Variants in DOP1B observed in about 807,000 individuals in gnomAD.
DOP1B encodes protein DOP1B.
A neutral mutation model predicts 233.5 loss-of-function variants in DOP1B; 174 were observed. The observed-to-expected ratio is 0.75, with a 90% CI of 0.66 to 0.85. The LOEUF is 0.85. Among genes scored for constraint, DOP1B ranks in the 40% least tolerant of loss-of-function variants. DOP1B has a pLI of 0.00. For synonymous variants in DOP1B, 1,190 were observed against 1,185.6 expected (o/e 1.00, Z -0.08); for missense variants, 2,652 against 2,846.6 (o/e 0.93, Z 1.56).
chr21:36,285,210 C>T (rs1005759586), intron 32 of DOP1B, among the ~76,000 whole-genome samples: 1 of 152,062 alleles, frequency 6.6e-6, no homozygotes, highest in African/African-American at 2.4e-5. Context: ...CAGGCACCCA[C>T]CACCATGCCT....
intron 18 of DOP1B, among the ~76,000 whole-genome samples, chr21:36,243,948 T>TCCCAATA: frequency 6.7e-6 from 1 of 149,902 alleles, no homozygotes; most frequent in Admixed American, 6.7e-5. Context: ...CAAACAATCC[T>TCCCAATA]CCTACCTTGG....
intron 32 of DOP1B, among the ~76,000 whole-genome samples, chr21:36,282,704 G>A (rs1345725875): frequency 1.3e-5 from 2 of 151,236 alleles, no homozygotes; most frequent in East Asian, 2.0e-4. Context: ...GACTGGGCAC[G>A]GTGGCTCACG....
intron 24 of DOP1B, among the ~76,000 whole-genome samples, chr21:36,262,417 C>T (rs766621239): frequency 2.1e-4 from 32 of 152,208 alleles, no homozygotes; most frequent in Admixed American, 2.0e-4. Flanking sequence ...CTTTCACTGC[C>T]TGGACTGTGC....
intron 2 of DOP1B, chr21:36,169,463 A>C: frequency 1.8e-6 from 2 of 1,090,092 alleles, no homozygotes; most frequent in East Asian, 2.4e-5. Flanking sequence ...CTTGTGGGGC[A>C]GCTTCTTGGT....
At position 36,230,962 on chromosome 21, in the gene DOP1B, C is replaced by A. The variant is rs61750836; in HGVS notation, c.2178C>A (p.Asn726Lys). 1 of 1,613,984 alleles carries A rather than the reference C, an allele frequency of 6.2e-7. No homozygotes were observed. The highest frequency in any genetic ancestry group is 8.5e-7 in the Non-Finnish European group (1 of 1,180,018). ...SSSPSSPARK[N>K]GGEWDVEKVV... ...CGCCCAGCAGCCCTGCCAGGAAAAA[C>A]GGGGGAGAATGGGATGTTGAGAAGG... Residue 726 changes from asparagine to lysine, a missense_variant, in exon 14 of 37, where the codon AAC (asparagine) becomes AAA (lysine). Around this residue, in one of 3 missense-constraint regions of DOP1B, gnomAD observed 2,617 missense variants for 2,794.3 expected, o/e 0.94. Transcript: ENST00000691173.
At chr21:36,268,801 C>G (rs1030440954) in intron 26 of DOP1B, among the ~76,000 whole-genome samples, 2 of 152,180 alleles carry the variant, frequency 1.3e-5, no homozygotes, top group Non-Finnish European at 2.9e-5. Context: ...TCCCAGGTAG[C>G]TGGGATTACA....
chr21:36,263,771 G>T lies in DOP1B; in HGVS notation c.5444G>T (p.Arg1815Ile). ...AGCATGCTGAATGACTTTGTAACAA[G>T]AACTCCCAACCTGGAAAACAAGAAG... is the stretch of plus-strand genomic sequence containing the variant. ...LLSMLNDFVT[R>I]TPNLENKKDQ... The change falls in exon 26 of 37, where the codon AGA (arginine) becomes ATA (isoleucine). Residue 1815 changes from arginine (R) to isoleucine (I), a missense_variant. Arg to Ile is a moderately conservative substitution (Grantham distance 97). Transcript: ENST00000691173. 1 of 1,614,038 alleles carries T rather than the reference G, an allele frequency of 6.2e-7. No individual in the cohort carries two copies. Among genetic ancestry groups the T allele is most frequent in the East Asian group, 2.2e-5 (1 of 44,892 alleles).
intron 22 of DOP1B, among the ~76,000 whole-genome samples, chr21:36,252,665 C>T (rs1322833403): frequency 6.6e-6 from 1 of 152,008 alleles, no homozygotes; most frequent in Non-Finnish European, 1.5e-5. Flanking sequence ...AGGTGCATGC[C>T]ACCACACTCA....
chr21:36,200,346 T>C lies in DOP1B; in HGVS notation c.336T>C (p.Pro112=). 2 of 1,599,318 alleles carry C rather than the reference T, an allele frequency of 1.3e-6. No homozygotes were observed. Among genetic ancestry groups the C allele is most frequent in the East Asian group, 2.3e-5 (1 of 44,254 alleles). The part of the protein sequence containing the change: ...DLFLYSCGLF[P]LLAHAAVSVR... ...TTTCTCGAAGCTGCGGGTTATTTCCTCTCCTGGCACACGCGGCGGTGTCGG... is the reference window on the plus strand; with the variant it reads ...TTTCTCGAAGCTGCGGGTTATTTCCCCTCCTGGCACACGCGGCGGTGTCGG... Residue 112 remains proline (P), a synonymous_variant, in exon 4 of 37, where the codon CCT becomes CCC. Transcript: ENST00000691173.
chr21:36,278,754 A>G (rs928058607), intron 30 of DOP1B, among the ~76,000 whole-genome samples: 4 of 152,112 alleles, frequency 2.6e-5, no homozygotes, highest in African/African-American at 9.7e-5. Context: ...CTGTAGTTCC[A>G]GCTACTCGGG....
At chr21:36,249,153 G>A (rs533689148) in intron 21 of DOP1B, among the ~76,000 whole-genome samples, 168 of 150,994 alleles carry the variant, frequency 1.1e-3, no homozygotes, top group Non-Finnish European at 1.7e-3. Context: ...AGAGCTAGGC[G>A]CGGTGGCTCA....
chr21:36,255,656 T>C (rs930267241), intron 23 of DOP1B, among the ~76,000 whole-genome samples: 1 of 150,592 alleles, frequency 6.6e-6, no homozygotes, highest in Non-Finnish European at 1.5e-5. Flanking sequence ...GGTCTGGAAC[T>C]CCTAGGCTCA....
At chr21:36,201,345 C>CTTTTTT (rs1172730528) in intron 4 of DOP1B, among the ~76,000 whole-genome samples, 19,214 of 82,550 alleles carry the variant, frequency 0.23, 3,732 homozygotes, top group Non-Finnish European at 0.28. Flanking sequence ...CTATTGGATT[C>CTTTTTT]TTTTTTTTTT....
intron 18 of DOP1B, 56 bp from the exon 19 acceptor site, chr21:36,244,992 A>G (rs2066938091): frequency 6.6e-7 from 1 of 1,510,872 alleles, no homozygotes; most frequent in Non-Finnish European, 8.9e-7. Context: ...CCCTACAGCT[A>G]ATGTATCATA....
chr21:36,214,635 C>A, intron 9 of DOP1B, 79 bp downstream of exon 9: 1 of 1,198,414 alleles, frequency 8.3e-7, no homozygotes, highest in Non-Finnish European at 1.2e-6. Flanking sequence ...TGGTGAGATA[C>A]AACCAAAGCG....
Position 36,174,317 on chromosome 21 carries a change from G to A in DOP1B, c.138+9446G>A, listed in dbSNP as rs367874394. Among the ~76,000 whole-genome samples the A allele has an allele frequency of 6.6e-5, 10 of 152,188 alleles. No individual in the cohort carries two copies. In the East Asian group the frequency reaches 1.4e-3, roughly 21 times the overall value. ...AGCCTTGCTGACATGGCGAAACCCC[G>A]TCTCTACTAAAAATGCAAAAATTAG... is the stretch of plus-strand genomic sequence containing the variant. On this transcript the variant is annotated intron_variant, in intron 2 of 36. Transcript: ENST00000691173.
chr21:36,263,907 T>C (rs549388500), intron 26 of DOP1B, 93 bp downstream of exon 26: 6 of 1,227,146 alleles, frequency 4.9e-6, no homozygotes, highest in South Asian at 2.5e-5. Flanking sequence ...ACAAGAGACA[T>C]TGGACAGAAT....
At chr21:36,224,491 TAA>T (rs760926570) in intron 11 of DOP1B, among the ~76,000 whole-genome samples, 3 of 143,308 alleles carry the variant, frequency 2.1e-5, no homozygotes, top group African/African-American at 2.6e-5. Flanking sequence ...TCCTGGTTAT[TAA>T]AAAAAAAAAA....
At chr21:36,232,080 G>A (rs1016351384) in intron 14 of DOP1B, among the ~76,000 whole-genome samples, 5 of 152,064 alleles carry the variant, frequency 3.3e-5, no homozygotes, top group South Asian at 2.1e-4. Context: ...TTTTGACCTC[G>A]CGATCCACCC....
Sources: allele counts gnomAD v4.1 joint callset (sites outside exome capture counted in the v4.1 genomes callset), GRCh38; gene constraint gnomAD v4.1.1; regional missense constraint gnomAD v4.1.1; transcripts MANE v1.5; gene names NCBI Gene and HGNC (gene_info 2026-07-23, HGNC 2026-07-21).